VPS13D: variants seen among roughly 807,000 people sequenced by gnomAD.
The protein encoded by VPS13D is intermembrane lipid transfer protein VPS13D.
Under a neutral mutation model 461.9 loss-of-function variants are expected in VPS13D, and 187 were observed. The observed-to-expected ratio is 0.40, with a 90% CI of 0.36 to 0.46. The LOEUF (loss-of-function observed/expected upper bound fraction) is 0.46, where lower values mean the gene tolerates loss of function less well. VPS13D is among the 20% of genes least tolerant of loss of function. VPS13D has a pLI of 0.60. For missense variants in VPS13D, 4,711 were observed against 5,364.9 expected (o/e 0.88, Z 3.81); for synonymous variants, 1,951 against 1,986.3 (o/e 0.98, Z 0.47).
chr1:12,244,156 G>C (rs1037896625), intron 3 of VPS13D, 90 bp from the exon 4 acceptor site: 2 of 1,354,366 alleles, frequency 1.5e-6, no homozygotes, highest in African/African-American at 2.9e-5. Flanking sequence ...AGCAATCCAT[G>C]CTCCTTAAAC....
chr1:12,288,240 A>G lies in VPS13D; in HGVS notation c.5652A>G (p.Leu1884=), dbSNP rs757284201. ...KLDLKVHSLS[L]VLNKTTSELA... is the part of the protein sequence containing the mutation. ...GTTCCTAGGTTCATTCACTTTCTCTAGTGCTGAATAAGACCACCAGTGAGC... is the reference window on the plus strand; with the variant it reads ...GTTCCTAGGTTCATTCACTTTCTCTGGTGCTGAATAAGACCACCAGTGAGC... Residue 1884 remains leucine, a synonymous_variant, in exon 22 of 70, where the codon CTA becomes CTG. Coordinates refer to ENST00000620676, the MANE Select transcript of VPS13D (RefSeq NM_015378.4). The G allele has an allele frequency of 1.7e-5, 28 of 1,613,658 alleles. No individual in the cohort carries two copies. The African/African-American group carries it at 2.1e-4, about 12-fold the overall frequency.
At chr1:12,307,476 G>A (rs956514565) in intron 26 of VPS13D, among the ~76,000 whole-genome samples, 1 of 152,036 alleles carries the variant, frequency 6.6e-6, no homozygotes, top group African/African-American at 2.4e-5. Flanking sequence ...AGGGATTTGG[G>A]GGAGTTTTAC....
chr1:12,470,227 G>T (rs1365177953), intron 67 of VPS13D, among the ~76,000 whole-genome samples: 1 of 152,222 alleles, frequency 6.6e-6, no homozygotes, highest in African/African-American at 2.4e-5. Flanking sequence ...GTTATGAGGA[G>T]TATGGGTCAC....
chr1:12,338,599 G>A (rs1386305052), intron 40 of VPS13D, among the ~76,000 whole-genome samples: 1 of 152,102 alleles, frequency 6.6e-6, no homozygotes, highest in Non-Finnish European at 1.5e-5. Flanking sequence ...TTCTCATATT[G>A]AAGAGCAAGT....
At chr1:12,412,553 G>A (rs566270082) in intron 63 of VPS13D, among the ~76,000 whole-genome samples, 3 of 152,180 alleles carry the variant, frequency 2.0e-5, no homozygotes, top group Admixed American at 6.5e-5. Context: ...GTAGTGGAAC[G>A]GATGACCTTT....
Position 12,311,616 on chromosome 1 carries a change from A to G in VPS13D, c.6813A>G (p.Pro2271=). 1 of 1,614,082 alleles carries G rather than the reference A, an allele frequency of 6.2e-7. No individual in the cohort carries two copies. The highest frequency in any genetic ancestry group is 8.5e-7 in the Non-Finnish European group (1 of 1,179,952). The change falls in exon 28 of 70, where the codon CCA becomes CCG. Residue 2271 remains proline, a synonymous_variant. Transcript: ENST00000620676. ...EFMRPYDLQD[P]RIHTVLSGEV... ...TGCGGCCTTATGATTTACAAGATCC[A>G]AGAATTCATGTGAGTGAGACCTTAT...
rs1255908035 is a variant in VPS13D, at chr1:12,268,892, T to A, written c.1972+16T>A. On this transcript the variant is annotated intron_variant, in intron 16 of 69. Coordinates refer to ENST00000620676, the MANE Select transcript of VPS13D (RefSeq NM_015378.4). Reference sequence around the variant, plus strand: ...CATACCTCAGGTTAACTTTTTTGTTTGTTTGATCTTATGTTCCTTTTGAAA... The same window carrying A: ...CATACCTCAGGTTAACTTTTTTGTTAGTTTGATCTTATGTTCCTTTTGAAA... The A allele has an allele frequency of 6.2e-7, 1 of 1,602,022 alleles. No individual in the cohort carries two copies. Among genetic ancestry groups the A allele is most frequent in the South Asian group, 1.1e-5 (1 of 88,510 alleles).
intron 16 of VPS13D, 80 bp from the exon 17 acceptor site, chr1:12,270,910 ATTCT>A: frequency 6.5e-7 from 1 of 1,528,284 alleles, no homozygotes; most frequent in African/African-American, 1.4e-5. Flanking sequence ...TTTGATGGAC[ATTCT>A]TGGTGAGAAT....
At chr1:12,234,391 C>G in intron 2 of VPS13D, 28 bp downstream of exon 2, 1 of 1,556,412 alleles carries the variant, frequency 6.4e-7, no homozygotes, top group Non-Finnish European at 8.8e-7. Context: ...TGAGATACAG[C>G]TTTATAGGTG....
chr1:12,478,676 C>A, intron 67 of VPS13D: 1 of 424,366 alleles, frequency 2.4e-6, no homozygotes, highest in Middle Eastern at 3.4e-4. Flanking sequence ...GAAACGCTGT[C>A]TAGAGAGGGT....
chr1:12,497,453 A>C, intron 67 of VPS13D, 47 bp from the exon 68 acceptor site: 2 of 1,572,744 alleles, frequency 1.3e-6, no homozygotes, highest in Non-Finnish European at 8.6e-7. Context: ...AAATCATTTT[A>C]ACCTGCACAC....
At chr1:12,476,752 A>C (rs1244004526) in intron 67 of VPS13D, among the ~76,000 whole-genome samples, 7 of 152,336 alleles carry the variant, frequency 4.6e-5, no homozygotes, top group African/African-American at 1.7e-4. Context: ...GACAAGAGGG[A>C]TATAACAAGA....
At chr1:12,286,290 C>T (rs1641975110) in intron 21 of VPS13D, among the ~76,000 whole-genome samples, 1 of 152,144 alleles carries the variant, frequency 6.6e-6, no homozygotes, top group South Asian at 2.1e-4. Flanking sequence ...GTTGCCCAGG[C>T]TGGTCTCAAA....
intron 61 of VPS13D, among the ~76,000 whole-genome samples, chr1:12,400,576 C>T (rs1644561631): frequency 6.6e-6 from 1 of 152,146 alleles, no homozygotes; most frequent in Non-Finnish European, 1.5e-5. Context: ...AGTCCATATT[C>T]ATCAGAGTGA....
intron 58 of VPS13D, among the ~76,000 whole-genome samples, 166 bp downstream of exon 58, chr1:12,383,321 A>G (rs564154587): frequency 6.6e-6 from 1 of 152,352 alleles, no homozygotes; most frequent in East Asian, 1.9e-4. Context: ...TGTTACAAGA[A>G]CTAAAGTACA....
chr1:12,404,868 C>G (rs1003021273), intron 63 of VPS13D, among the ~76,000 whole-genome samples: 4 of 152,170 alleles, frequency 2.6e-5, no homozygotes, highest in African/African-American at 9.7e-5. Flanking sequence ...AGTCAGCCCC[C>G]TGCAGCTTGG....
intron 65 of VPS13D, among the ~76,000 whole-genome samples, chr1:12,447,606 T>A (rs188413266): frequency 5.2e-4 from 79 of 152,274 alleles, no homozygotes; most frequent in Non-Finnish European, 8.8e-4. Context: ...TCTAAAAACC[T>A]CAAAAAACTT....
chr1:12,331,711 T>TAAAAA (rs757913489), intron 37 of VPS13D, among the ~76,000 whole-genome samples: 1 of 106,220 alleles, frequency 9.4e-6, no homozygotes. Flanking sequence ...GACTCTGTCT[T>TAAAAA]AAAAAAAAAA....
At chr1:12,481,979 G>C (rs2100490191) in intron 67 of VPS13D, among the ~76,000 whole-genome samples, 1 of 152,330 alleles carries the variant, frequency 6.6e-6, no homozygotes, top group South Asian at 2.1e-4. Flanking sequence ...GGACCAGCCA[G>C]CCCTTCCTGT....
Sources: allele counts gnomAD v4.1 joint callset (sites outside exome capture counted in the v4.1 genomes callset), GRCh38; gene constraint gnomAD v4.1.1; transcripts MANE v1.5; gene names NCBI Gene and HGNC (gene_info 2026-07-23, HGNC 2026-07-21).